RANBP2: variants seen among roughly 807,000 people sequenced by gnomAD.
RANBP2 encodes the protein RAN binding protein 2, also known as E3 SUMO-protein ligase RanBP2.
A neutral mutation model predicts 303.6 loss-of-function variants in RANBP2; 57 were observed. The ratio of observed to expected loss-of-function variants is 0.19; its 90% CI spans 0.15 to 0.23. RANBP2 has a LOEUF of 0.23. Ranked by LOEUF, RANBP2 falls within the 10% of genes least tolerant of loss-of-function variation. RANBP2 has a pLI of 1.00. For synonymous variants in RANBP2, 1,167 were observed against 1,301.5 expected, an observed-to-expected ratio of 0.90 and a Z score of 2.23; for missense variants, 3,138 against 3,780.8, an observed-to-expected ratio of 0.83 and a Z score of 4.46.
At chr2:109,162,966 A>G in the RANBP2 span, among the ~76,000 whole-genome samples, 1 of 152,216 alleles carries the variant, frequency 6.6e-6, no homozygotes, top group Non-Finnish European at 1.5e-5. Context: ...CACCTCTCCA[A>G]GGGATTTGCA....
the RANBP2 span, among the ~76,000 whole-genome samples, chr2:109,266,333 T>A: frequency 6.6e-6 from 1 of 151,820 alleles, no homozygotes; most frequent in Non-Finnish European, 1.5e-5. Context: ...GTGTGTGTTG[T>A]GTGTGTATGT....
At chr2:109,312,457 G>C in the RANBP2 span, among the ~76,000 whole-genome samples, 2 of 152,166 alleles carry the variant, frequency 1.3e-5, no homozygotes, top group East Asian at 3.9e-4. Context: ...GCACTGTCTA[G>C]TTCCAGAAGT....
At chr2:109,123,619 C>T in the RANBP2 span, among the ~76,000 whole-genome samples, 1 of 152,220 alleles carries the variant, frequency 6.6e-6, no homozygotes, top group East Asian at 1.9e-4. Context: ...GATTATTCCA[C>T]TCAGTAGCAA....
chr2:109,404,145 G>A, the RANBP2 span, among the ~76,000 whole-genome samples: 14 of 152,174 alleles, frequency 9.2e-5, no homozygotes, highest in African/African-American at 1.7e-4. Flanking sequence ...GGGTGTGGCC[G>A]AGACCACTGC....
In RANBP2 at chr2:108,764,581, G is replaced by C. The variant is rs139246606; in HGVS notation, c.4042G>C (p.Val1348Leu). ...DAGNLNFEFQ[V>L]AKKEGSWWHC... Reference sequence around the variant, plus strand: ...TGGAAACCTGAATTTTGAATTTCAGGTTGCAAAGAAAGAAGGGTCTTGGTG... The same window carrying C: ...TGGAAACCTGAATTTTGAATTTCAGCTTGCAAAGAAAGAAGGGTCTTGGTG... The change falls in exon 20 of 29, where the codon GTT becomes CTT. Residue 1348 changes from valine (V) to leucine (L), a missense_variant. Around this residue, in one of 20 missense-constraint regions of RANBP2, gnomAD observed 388 missense variants for 328.5 expected, o/e 1.18. Coordinates refer to ENST00000283195, the MANE Select transcript of RANBP2 (RefSeq NM_006267.5). 14 of 1,613,814 alleles carry C rather than the reference G, an allele frequency of 8.7e-6. No individual in the cohort carries two copies. Among genetic ancestry groups the C allele is most frequent in the East Asian group, 6.7e-5 (3 of 44,880 alleles).
At chr2:109,555,234 T>G in the RANBP2 span, among the ~76,000 whole-genome samples, 1 of 152,170 alleles carries the variant, frequency 6.6e-6, no homozygotes, top group African/African-American at 2.4e-5. Context: ...TCAAGAAACT[T>G]TATAATCTCT....
the RANBP2 span, among the ~76,000 whole-genome samples, chr2:109,381,060 C>T: frequency 2.0e-5 from 3 of 152,344 alleles, no homozygotes; most frequent in South Asian, 6.2e-4. Context: ...AAGAGGGCTT[C>T]CTCCACGGGT....
chr2:108,932,528 C>CAAAAAAAAAAAAA, the RANBP2 span, among the ~76,000 whole-genome samples: 3 of 39,156 alleles, frequency 7.7e-5, no homozygotes, highest in Admixed American at 2.6e-4. Context: ...GACTCTGTCT[C>CAAAAAAAAAAAAA]AAAAAAAAAA....
At chr2:109,558,533 G>C in the RANBP2 span, among the ~76,000 whole-genome samples, 1 of 152,068 alleles carries the variant, frequency 6.6e-6, no homozygotes, top group Non-Finnish European at 1.5e-5. Flanking sequence ...TTTTATAAAG[G>C]CATGTTTCCA....
At chr2:109,576,465 C>G in the RANBP2 span, among the ~76,000 whole-genome samples, 1 of 151,960 alleles carries the variant, frequency 6.6e-6, no homozygotes, top group Non-Finnish European at 1.5e-5. Flanking sequence ...TTGAACATTA[C>G]AAGAATTCAA....
chr2:109,284,222 A>G, the RANBP2 span, among the ~76,000 whole-genome samples: 1 of 152,098 alleles, frequency 6.6e-6, no homozygotes, highest in African/African-American at 2.4e-5. Flanking sequence ...ACCCTCAGGA[A>G]TTTCTTTTTG....
the RANBP2 span, among the ~76,000 whole-genome samples, chr2:109,625,087 CAAAAAAAAA>C: frequency 5.0e-5 from 3 of 60,122 alleles, no homozygotes; most frequent in Admixed American, 2.3e-4. Context: ...ACAACAACAA[CAAAAAAAAA>C]AAAAAAAAAA....
the RANBP2 span, among the ~76,000 whole-genome samples, chr2:109,426,984 T>C: frequency 1.3e-5 from 2 of 151,898 alleles, no homozygotes; most frequent in South Asian, 4.2e-4. Context: ...ATATATTTTT[T>C]TTTGAGACGA....
the RANBP2 span, among the ~76,000 whole-genome samples, chr2:109,184,913 A>G: frequency 2.6e-5 from 4 of 152,234 alleles, no homozygotes; most frequent in Non-Finnish European, 5.9e-5. Context: ...AACAACCAAG[A>G]ATGTAAGAAA....
the RANBP2 span, among the ~76,000 whole-genome samples, chr2:109,079,070 T>G: frequency 3.1e-4 from 47 of 152,286 alleles, no homozygotes; most frequent in African/African-American, 1.1e-3. Context: ...ATATGTACAG[T>G]TGACCCTTGA....
the RANBP2 span, among the ~76,000 whole-genome samples, chr2:108,806,460 T>G: frequency 6.6e-6 from 1 of 152,186 alleles, no homozygotes; most frequent in Non-Finnish European, 1.5e-5. Context: ...CTGAAAAAAT[T>G]TGGCAGAATG....
the RANBP2 span, among the ~76,000 whole-genome samples, chr2:109,214,206 A>G: frequency 6.6e-6 from 1 of 152,188 alleles, no homozygotes; most frequent in African/African-American, 2.4e-5. Flanking sequence ...GTGACTGGAA[A>G]TAAAGCTGTC....
At chr2:109,760,544 G>A in the RANBP2 span, among the ~76,000 whole-genome samples, 1 of 140,972 alleles carries the variant, frequency 7.1e-6, no homozygotes, top group African/African-American at 2.5e-5. Flanking sequence ...AGCCAGCCCG[G>A]CCGGCCCGGA....
At chr2:109,105,482 G>T in the RANBP2 span, among the ~76,000 whole-genome samples, 1 of 152,304 alleles carries the variant, frequency 6.6e-6, no homozygotes, top group African/African-American at 2.4e-5. Context: ...CACTTGGATC[G>T]CTTAGGTCAC....
Sources: allele counts gnomAD v4.1 joint callset (sites outside exome capture counted in the v4.1 genomes callset), GRCh38; gene constraint gnomAD v4.1.1; regional missense constraint gnomAD v4.1.1; transcripts MANE v1.5; gene names NCBI Gene and HGNC (gene_info 2026-07-23, HGNC 2026-07-21).